Variants in LRP1B observed in about 807,000 individuals in gnomAD.
The protein encoded by LRP1B is LDL receptor related protein 1B, also known as low-density lipoprotein receptor-related protein 1B.
In LRP1B, 217 loss-of-function variants were observed where a neutral mutation model predicts 556.6. The ratio of observed to expected loss-of-function variants is 0.39; its 90% CI spans 0.35 to 0.44. The LOEUF (loss-of-function observed/expected upper bound fraction) is 0.44, where lower values mean the gene tolerates loss of function less well. LRP1B is among the 20% of genes least tolerant of loss of function. The probability of loss-of-function intolerance (pLI) is 1.00; values close to 1 mark genes in which losing one functional copy is unlikely to be tolerated. For missense variants in LRP1B, 5,053 were observed against 5,620.8 expected (o/e 0.90, Z 3.23); for synonymous variants, 2,047 against 1,865.8 (o/e 1.10, Z -2.50).
chr2:141,800,667 A>G (rs1331580779), intron 2 of LRP1B, among the ~76,000 whole-genome samples: 5 of 152,184 alleles, frequency 3.3e-5, no homozygotes, highest in East Asian at 1.9e-4. Flanking sequence ...TCATTCATTC[A>G]TGTCAGTAAT....
At chr2:141,601,202 G>GTATCTATCTATC (rs4008441) in intron 2 of LRP1B, among the ~76,000 whole-genome samples, 6,347 of 148,888 alleles carry the variant, frequency 0.043, 164 homozygotes, top group African/African-American at 0.059. Context: ...CTGTCTGTCA[G>GTATCTATCTATC]TATCTATCTA....
intron 2 of LRP1B, among the ~76,000 whole-genome samples, chr2:141,746,928 C>G (rs1693936656): frequency 1.3e-5 from 2 of 152,148 alleles, no homozygotes; most frequent in African/African-American, 4.8e-5. Flanking sequence ...AACAATGACT[C>G]TAACGGCATC....
chr2:140,952,432 C>A (rs1217345228), intron 18 of LRP1B, among the ~76,000 whole-genome samples: 2 of 150,052 alleles, frequency 1.3e-5, no homozygotes, highest in Admixed American at 6.6e-5. Context: ...AAAATAAACA[C>A]AATAAAATCA....
In LRP1B at chr2:141,672,036, T is replaced by C. The variant is rs987293228; in HGVS notation, c.205+138243A>G. Among the ~76,000 whole-genome samples, 6 of 152,098 alleles carry C rather than the reference T, an allele frequency of 3.9e-5. No individual in the cohort carries two copies. The South Asian group carries it at 1.0e-3, about 26-fold the overall frequency. Reference sequence around the variant, plus strand: ...GTTGATATAAACAATTAATGAAATCTAGCAGTGATTAAGTGCTAAAAAAGA... The same window carrying C: ...GTTGATATAAACAATTAATGAAATCCAGCAGTGATTAAGTGCTAAAAAAGA... On this transcript the variant is annotated intron_variant, in intron 2 of 90. Transcript: ENST00000389484.
At chr2:140,777,383 T>C (rs1463573872) in intron 32 of LRP1B, among the ~76,000 whole-genome samples, 1 of 152,192 alleles carries the variant, frequency 6.6e-6, no homozygotes, top group Non-Finnish European at 1.5e-5. Context: ...GCTGGTGCCA[T>C]GCAACACAGT....
intron 6 of LRP1B, among the ~76,000 whole-genome samples, chr2:141,188,948 G>A (rs1681378799): frequency 6.6e-6 from 1 of 151,994 alleles, no homozygotes; most frequent in Admixed American, 6.6e-5. Flanking sequence ...AAACTCTGTA[G>A]TAGTGAGGAA....
At chr2:140,629,990 C>T (rs982124896) in intron 41 of LRP1B, among the ~76,000 whole-genome samples, 4 of 152,134 alleles carry the variant, frequency 2.6e-5, no homozygotes, top group African/African-American at 9.7e-5. Context: ...ATAGCAAATG[C>T]GAGAAGCAAG....
chr2:141,905,449 G>T (rs182191903), intron 1 of LRP1B, among the ~76,000 whole-genome samples: 1 of 151,920 alleles, frequency 6.6e-6, no homozygotes, highest in East Asian at 1.9e-4. Flanking sequence ...CAATCAACGA[G>T]GTTTTGTACT....
intron 2 of LRP1B, among the ~76,000 whole-genome samples, chr2:141,802,220 G>A (rs1320043193): frequency 6.6e-6 from 1 of 152,128 alleles, no homozygotes; most frequent in Non-Finnish European, 1.5e-5. Flanking sequence ...GTCTCAGTTT[G>A]AGGGATTCTC....
chr2:141,929,807 C>T (rs905793736), intron 1 of LRP1B, among the ~76,000 whole-genome samples: 4 of 147,072 alleles, frequency 2.7e-5, no homozygotes, highest in African/African-American at 1.0e-4. Flanking sequence ...CTGGTGTTTG[C>T]ATGAACTGAG....
At chr2:141,693,306 T>G (rs1691615178) in intron 2 of LRP1B, among the ~76,000 whole-genome samples, 1 of 152,000 alleles carries the variant, frequency 6.6e-6, no homozygotes, top group Non-Finnish European at 1.5e-5. Context: ...ATCAGTTATC[T>G]GGCAACAACC....
chr2:140,920,134 C>T (rs901808095), intron 21 of LRP1B, among the ~76,000 whole-genome samples: 40 of 152,092 alleles, frequency 2.6e-4, no homozygotes, highest in Admixed American at 1.6e-3. Flanking sequence ...TTCTTTTCCA[C>T]GACAGAGTGA....
At chr2:141,518,948 C>T (rs1380793253) in intron 2 of LRP1B, among the ~76,000 whole-genome samples, 3 of 151,466 alleles carry the variant, frequency 2.0e-5, no homozygotes, top group Non-Finnish European at 4.4e-5. Context: ...GAAACTCCTT[C>T]TCAAAAAAAT....
intron 1 of LRP1B, among the ~76,000 whole-genome samples, chr2:141,986,727 T>C (rs1305823714): frequency 6.6e-6 from 1 of 151,940 alleles, no homozygotes; most frequent in Non-Finnish European, 1.5e-5. Flanking sequence ...AAGATGTAAA[T>C]AGGAATGGAA....
chr2:141,790,206 T>C (rs1695566912), intron 2 of LRP1B, among the ~76,000 whole-genome samples: 1 of 151,908 alleles, frequency 6.6e-6, no homozygotes, highest in Admixed American at 6.6e-5. Context: ...CATGAAAAAT[T>C]ACCAGTCTTT....
intron 34 of LRP1B, among the ~76,000 whole-genome samples, chr2:140,770,271 A>G (rs1471710856): frequency 6.6e-6 from 1 of 151,942 alleles, no homozygotes; most frequent in Non-Finnish European, 1.5e-5. Flanking sequence ...AAAATAAATG[A>G]TAATACATAT....
intron 6 of LRP1B, among the ~76,000 whole-genome samples, chr2:141,203,914 C>G (rs1682153739): frequency 6.6e-6 from 1 of 152,100 alleles, no homozygotes; most frequent in African/African-American, 2.4e-5. Flanking sequence ...AACTGAAAAA[C>G]CTGTTCCTGA....
At chr2:141,560,948 A>G (rs889178747) in intron 2 of LRP1B, among the ~76,000 whole-genome samples, 1 of 151,642 alleles carries the variant, frequency 6.6e-6, no homozygotes, top group Non-Finnish European at 1.5e-5. Context: ...TTTTCTTTCT[A>G]CTATTGATAA....
At chr2:141,334,763 G>T (rs975935605) in intron 3 of LRP1B, among the ~76,000 whole-genome samples, 2 of 152,106 alleles carry the variant, frequency 1.3e-5, no homozygotes, top group Non-Finnish European at 2.9e-5. Context: ...TATTAGCTAG[G>T]CTGGTCTTGA....
Sources: allele counts gnomAD v4.1 joint callset (sites outside exome capture counted in the v4.1 genomes callset), GRCh38; gene constraint gnomAD v4.1.1; transcripts MANE v1.5; gene names NCBI Gene and HGNC (gene_info 2026-07-23, HGNC 2026-07-21).